Variants in ANGPT1 observed in about 807,000 individuals in gnomAD.
ANGPT1 encodes angiopoietin-1.
In ANGPT1, 17 loss-of-function variants were observed where a neutral mutation model predicts 62.2. That is an observed-to-expected ratio of 0.27 (90% CI 0.19 to 0.41). The LOEUF (loss-of-function observed/expected upper bound fraction) is 0.41, where lower values mean the gene tolerates loss of function less well. Among genes scored for constraint, ANGPT1 ranks in the 10% least tolerant of loss-of-function variants. The pLI is 1.00. For synonymous variants in ANGPT1, 199 were observed against 198.9 expected (o/e 1.00, Z 0.00); for missense variants, 478 against 594.9 (o/e 0.80, Z 2.04).
intron 1 of ANGPT1, among the ~76,000 whole-genome samples, chr8:107,428,537 G>A (rs1053683039): frequency 1.3e-4 from 20 of 151,990 alleles, no homozygotes; most frequent in African/African-American, 4.6e-4. Context: ...TCCTTCATTT[G>A]GTCATCCCAC....
intron 1 of ANGPT1, among the ~76,000 whole-genome samples, chr8:107,426,354 T>G (rs998841238): frequency 6.6e-6 from 1 of 152,218 alleles, no homozygotes; most frequent in Non-Finnish European, 1.5e-5. Flanking sequence ...TCTGGATGAT[T>G]AATCAGCATT....
At chr8:107,462,351 C>T (rs908112883) in intron 1 of ANGPT1, among the ~76,000 whole-genome samples, 6 of 151,334 alleles carry the variant, frequency 4.0e-5, no homozygotes, top group African/African-American at 1.5e-4. Flanking sequence ...TAATTCAAGC[C>T]TCTTGTGAAG....
intron 1 of ANGPT1, among the ~76,000 whole-genome samples, chr8:107,378,866 T>A (rs948637697): frequency 2.0e-5 from 3 of 151,912 alleles, no homozygotes; most frequent in East Asian, 1.9e-4. Flanking sequence ...GTTTATAAAT[T>A]ACTCAGTCTT....
chr8:107,389,659 A>T (rs1194233464), intron 1 of ANGPT1, among the ~76,000 whole-genome samples: 2 of 152,190 alleles, frequency 1.3e-5, no homozygotes, highest in Non-Finnish European at 2.9e-5. Flanking sequence ...ATAACATATA[A>T]CAAAAACAAT....
At chr8:107,470,065 T>C (rs1185277048) in intron 1 of ANGPT1, among the ~76,000 whole-genome samples, 1 of 152,058 alleles carries the variant, frequency 6.6e-6, no homozygotes, top group African/African-American at 2.4e-5. Flanking sequence ...TGTTATAGAA[T>C]AGAGGCATCA....
intron 1 of ANGPT1, among the ~76,000 whole-genome samples, chr8:107,430,028 C>T (rs569046472): frequency 6.8e-6 from 1 of 146,452 alleles, no homozygotes; most frequent in Non-Finnish European, 1.5e-5. Context: ...TAATAACATA[C>T]ATATGAATCA....
chr8:107,330,388 A>G (rs961735753), intron 3 of ANGPT1, among the ~76,000 whole-genome samples: 3 of 152,222 alleles, frequency 2.0e-5, no homozygotes, highest in African/African-American at 7.2e-5. Context: ...GTCTGGCCTC[A>G]GAGCTCATGC....
intron 1 of ANGPT1, 110 bp downstream of exon 1, chr8:107,497,152 C>A: frequency 2.3e-6 from 3 of 1,287,378 alleles, no homozygotes; most frequent in East Asian, 4.8e-5. Context: ...ACACTGCCCC[C>A]CTGGAGCAAA....
At chr8:107,305,561 AAACT>A (rs1375366526) in intron 4 of ANGPT1, among the ~76,000 whole-genome samples, 4 of 152,046 alleles carry the variant, frequency 2.6e-5, no homozygotes, top group Admixed American at 1.3e-4. Context: ...ATTTTTGTGA[AAACT>A]AACAGTATAA....
chr8:107,493,255 C>G (rs1377970022), intron 1 of ANGPT1, among the ~76,000 whole-genome samples: 4 of 150,342 alleles, frequency 2.7e-5, no homozygotes, highest in African/African-American at 4.9e-5. Context: ...TAGAAACAAA[C>G]AATTAAAACA....
intron 1 of ANGPT1, among the ~76,000 whole-genome samples, chr8:107,373,164 G>A (rs1327885373): frequency 1.3e-5 from 2 of 152,088 alleles, no homozygotes; most frequent in Admixed American, 6.5e-5. Flanking sequence ...TGACCTCTTT[G>A]ACAAAGTGTA....
At chr8:107,316,214 A>G (rs921077411) in intron 4 of ANGPT1, among the ~76,000 whole-genome samples, 4 of 152,172 alleles carry the variant, frequency 2.6e-5, no homozygotes, top group African/African-American at 9.6e-5. Context: ...CCTGTTTAAT[A>G]TGGACCTTAC....
chr8:107,491,784 G>A lies in ANGPT1; in HGVS notation c.297+5478C>T, dbSNP rs143443021. ...AGATTTTATTCCTATGTAATGAGAA[G>A]TTGTAGGAGGATTTTAAGGGGGGAA... On this transcript the variant is annotated intron_variant, in intron 1 of 8. Coordinates refer to ENST00000517746, the MANE Select transcript of ANGPT1 (RefSeq NM_001146.5). 2.0e-5 allele frequency among the ~76,000 whole-genome samples: 3 copies of A among 152,268 alleles called. No individual in the cohort carries two copies. In the East Asian group the frequency reaches 5.8e-4, roughly 29 times the overall value.
intron 1 of ANGPT1, among the ~76,000 whole-genome samples, chr8:107,447,781 G>C (rs534542120): frequency 2.6e-4 from 39 of 152,298 alleles, no homozygotes; most frequent in African/African-American, 8.9e-4. Flanking sequence ...AGAGTGTGGA[G>C]TAATGCTACA....
chr8:107,411,436 G>T (rs928145135), intron 1 of ANGPT1, among the ~76,000 whole-genome samples: 1 of 151,954 alleles, frequency 6.6e-6, no homozygotes, highest in Non-Finnish European at 1.5e-5. Context: ...ATCATTCAAT[G>T]AAATTGATAA....
intron 1 of ANGPT1, among the ~76,000 whole-genome samples, chr8:107,348,556 T>C (rs1331020381): frequency 1.3e-5 from 2 of 152,136 alleles, no homozygotes; most frequent in Non-Finnish European, 2.9e-5. Flanking sequence ...ATTCAACCTA[T>C]AAAAGTTTAT....
At chr8:107,313,819 A>G (rs1221709152) in intron 4 of ANGPT1, among the ~76,000 whole-genome samples, 5 of 152,172 alleles carry the variant, frequency 3.3e-5, no homozygotes, top group Admixed American at 3.3e-4. Context: ...ATTTGTTTAT[A>G]CACATTTAAA....
intron 1 of ANGPT1, among the ~76,000 whole-genome samples, chr8:107,447,434 C>T (rs565612110): frequency 6.6e-6 from 1 of 152,306 alleles, no homozygotes; most frequent in South Asian, 2.1e-4. Context: ...TACATCCCTG[C>T]CACATTAACT....
intron 6 of ANGPT1, 118 bp from the exon 7 acceptor site, chr8:107,284,966 T>C: frequency 1.3e-6 from 1 of 781,820 alleles, no homozygotes; most frequent in Non-Finnish European, 1.8e-6. Context: ...GTTTTTGTTT[T>C]TTACATTTTA....
Sources: gnomAD v4.1 joint callset for allele counts (sites outside exome capture counted in the v4.1 genomes callset) on GRCh38, gnomAD v4.1.1 for gene constraint, MANE v1.5 for transcripts, NCBI Gene and HGNC (gene_info 2026-07-23, HGNC 2026-07-21) for gene names.